HAL: variants seen among roughly 807,000 people sequenced by gnomAD.
HAL encodes histidase.
A neutral mutation model predicts 81.1 loss-of-function variants in HAL; 85 were observed. The observed-to-expected ratio is 1.05, with a 90% confidence interval of 0.88 to 1.25. The LOEUF (loss-of-function observed/expected upper bound fraction) is 1.25, where lower values mean the gene tolerates loss of function less well. Among genes scored for constraint, HAL ranks in the 50% most tolerant of loss-of-function variants. HAL has a pLI of 0.00. For missense variants in HAL, 798 were observed against 836.6 expected, an observed-to-expected ratio of 0.95 and a Z score of 0.57; for synonymous variants, 301 against 309.2, an observed-to-expected ratio of 0.97 and a Z score of 0.28.
chr12:95,994,905 A>T, intron 3 of HAL, 28 bp downstream of exon 3: 1 of 1,608,070 alleles, frequency 6.2e-7, no homozygotes, highest in Non-Finnish European at 8.5e-7. Context: ...CCCCCAGAGC[A>T]GACCAAAGAG....
chr12:95,990,173 A>T lies in HAL; in HGVS notation c.855+220T>A, dbSNP rs1487852545. 13 of 604,596 alleles carry T rather than the reference A, an allele frequency of 2.2e-5. No homozygotes were observed. The South Asian group carries it at 2.4e-4, about 11-fold the overall frequency. 37.5% of individuals were successfully genotyped at this position (604,596 alleles called of 1,614,324 possible). A position where few individuals can be genotyped will look rare whatever the true frequency, so the allele number is the denominator to read the frequency against. ...CAGTAGCAGTTATGCCTTTTCACCA[A>T]GGTGATGACCAAACCCAGAAGGCTG... On this transcript the variant is annotated intron_variant, in intron 10 of 20. Transcript: ENST00000261208.
intron 18 of HAL, 40 bp from the exon 19 acceptor site, chr12:95,976,746 T>A: frequency 1.6e-6 from 2 of 1,268,740 alleles, no homozygotes; most frequent in East Asian, 4.6e-5. Context: ...TATGAAAGTC[T>A]GACTTCATGC....
rs121434328 is a variant in HAL, at chr12:95,992,772, C to A, written c.623G>T (p.Arg208Leu). The change falls in exon 9 of 21, where the codon CGG becomes CTG. Residue 208 changes from arginine (R) to leucine (L), a missense_variant. Arg to Leu is a moderately radical substitution (Grantham distance 102). Transcript: ENST00000261208. ...ATTGATCCTTAAAGCCAAGAGCATC[C>A]GACACCTCTCAGGACTTAGTGGTTT... is the stretch of plus-strand genomic sequence containing the variant. The part of the protein sequence containing the change: ...VGKPLSPERC[R>L]MLLALRINVL... 1.9e-6 allele frequency: 3 copies of A among 1,612,738 alleles called. No homozygotes were observed. The highest frequency in any genetic ancestry group is 4.5e-5 in the East Asian group (2 of 44,860).
chr12:95,985,855 A>G, intron 14 of HAL, 53 bp downstream of exon 14: 2 of 1,248,294 alleles, frequency 1.6e-6, no homozygotes, highest in East Asian at 4.9e-5. Context: ...ACCTGGGGAA[A>G]GAAAAACTTT....
chr12:95,994,709 G>C, intron 4 of HAL, 89 bp downstream of exon 4: 2 of 1,257,510 alleles, frequency 1.6e-6, no homozygotes, highest in Non-Finnish European at 2.3e-6. Flanking sequence ...CTAATTGACA[G>C]TGTTTTCTCA....
rs749621956 is a variant in HAL at position 95,993,466 on chromosome 12, G to T, written c.574C>A (p.Arg192Ser). The change falls in exon 8 of 21, where the codon CGC (arginine) becomes AGC (serine). Residue 192 changes from arginine (R) to serine (S), a missense_variant. Arg to Ser is a moderately radical substitution (Grantham distance 110). Transcript: ENST00000261208. ...TTTGACTTACCTGAAGAATGTGAGCGTACTAAGTTGACCTGAAGCTCCCTG... is the reference window on the plus strand; with the variant it reads ...TTTGACTTACCTGAAGAATGTGAGCTTACTAAGTTGACCTGAAGCTCCCTG... ...KLQELQVNLV[R>S]SHSSGVGKPL... The T allele has an allele frequency of 4.4e-6, 7 of 1,603,698 alleles. No individual in the cohort carries two copies. In the East Asian group the frequency reaches 1.6e-4, roughly 36 times the overall value.
At position 95,974,054 on chromosome 12, in the gene HAL, C is replaced by T. The variant is rs2080685749; in HGVS notation, c.*178G>A. Reference sequence around the variant, plus strand: ...GTCTTGAACCACGACAACAGGAACACAGTGCTGAATTTAGCAACTATAATA... The same window carrying T: ...GTCTTGAACCACGACAACAGGAACATAGTGCTGAATTTAGCAACTATAATA... On this transcript the variant is annotated 3_prime_UTR_variant, in exon 21 of 21. Coordinates refer to ENST00000261208, the MANE Select transcript of HAL (RefSeq NM_002108.4). 2 of 691,186 alleles carry T rather than the reference C, an allele frequency of 2.9e-6. No individual in the cohort carries two copies. The highest frequency in any genetic ancestry group is 2.2e-5 in the Admixed American group (1 of 46,200). The allele number at this position is 691,186 out of a possible 1,614,324, so 42.8% of individuals were successfully genotyped here.
chr12:95,979,844 G>A (rs1592838741), intron 17 of HAL, among the ~76,000 whole-genome samples: 1 of 152,114 alleles, frequency 6.6e-6, no homozygotes, highest in African/African-American at 2.4e-5. Context: ...TGCAATATTG[G>A]GCAAGTCACT....
At chr12:95,989,092 T>C (rs902856728) in intron 10 of HAL, among the ~76,000 whole-genome samples, 6 of 152,118 alleles carry the variant, frequency 3.9e-5, no homozygotes, top group African/African-American at 1.2e-4. Flanking sequence ...TGGAAAACAA[T>C]CATTTGCTAG....
intron 14 of HAL, among the ~76,000 whole-genome samples, chr12:95,984,590 G>A (rs1168338433): frequency 3.9e-5 from 6 of 152,234 alleles, no homozygotes; most frequent in Non-Finnish European, 8.8e-5. Flanking sequence ...TCTCCCAGAA[G>A]TCAAGGAAGT....
At chr12:95,986,719 A>G (rs1026849476) in intron 12 of HAL, among the ~76,000 whole-genome samples, 1 of 151,970 alleles carries the variant, frequency 6.6e-6, no homozygotes, top group East Asian at 1.9e-4. Context: ...TTTCTTCCCC[A>G]ATTTTCTAGT....
At chr12:95,977,385 T>TAAAA (rs34975193) in intron 18 of HAL, among the ~76,000 whole-genome samples, 1 of 147,350 alleles carries the variant, frequency 6.8e-6, no homozygotes, top group Non-Finnish European at 1.5e-5. Flanking sequence ...AAAGTCTCAT[T>TAAAA]AAAAAAAAAA....
At chr12:95,991,566 T>C (rs1003323707) in intron 9 of HAL, among the ~76,000 whole-genome samples, 1 of 152,178 alleles carries the variant, frequency 6.6e-6, no homozygotes, top group African/African-American at 2.4e-5. Context: ...TCCCAAAAAG[T>C]TACCAAAAAA....
chr12:95,992,934 G>C (rs1949990254), intron 8 of HAL, 129 bp from the exon 9 acceptor site: 1 of 835,902 alleles, frequency 1.2e-6, no homozygotes, highest in South Asian at 1.4e-5. Flanking sequence ...TCTCGGCTCA[G>C]GTAGTTGGAC....
chr12:95,994,273 C>T lies in HAL; in HGVS notation c.337-109G>A, dbSNP rs574196892. ...TGACATTTCAGAGATCTGATCATTG[C>T]GTGAAACATGAATATGCTAAATAAA... On this transcript the variant is annotated intron_variant, in intron 4 of 20. Coordinates refer to ENST00000261208, the MANE Select transcript of HAL (RefSeq NM_002108.4). The T allele has an allele frequency of 1.3e-4, 109 of 811,876 alleles. No individual in the cohort carries two copies. The African/African-American group carries it at 1.6e-3, about 12-fold the overall frequency. The allele number at this position is 811,876 out of a possible 1,614,324, so 50.3% of individuals were successfully genotyped here.
At chr12:95,986,855 G>A (rs542974343) in intron 12 of HAL, among the ~76,000 whole-genome samples, 4 of 152,082 alleles carry the variant, frequency 2.6e-5, no homozygotes, top group South Asian at 2.1e-4. Flanking sequence ...CTCAACTTCC[G>A]GGCTGTGTGT....
intron 9 of HAL, 134 bp from the exon 10 acceptor site, chr12:95,990,666 G>A (rs1949958131): frequency 1.3e-6 from 1 of 755,310 alleles, no homozygotes. Context: ...TAGATACCTG[G>A]GGAAAGACAA....
At position 95,994,168 on chromosome 12, in the gene HAL, C is replaced by T. The variant is rs776657116; in HGVS notation, c.337-4G>A. On this transcript the variant is annotated splice_region_variant and splice_polypyrimidine_tract_variant and intron_variant, in intron 4 of 20. Coordinates refer to ENST00000261208, the MANE Select transcript of HAL (RefSeq NM_002108.4). Reference sequence around the variant, plus strand: ...GGTCTCCATCTAACTCGATGTACTACACAAAAGAAGGGGATCTCAGTGAGT... The same window carrying T: ...GGTCTCCATCTAACTCGATGTACTATACAAAAGAAGGGGATCTCAGTGAGT... 1 of 1,607,344 alleles carries T rather than the reference C, an allele frequency of 6.2e-7. No homozygotes were observed. Among genetic ancestry groups the T allele is most frequent in the Non-Finnish European group, 8.5e-7 (1 of 1,173,818 alleles).
Position 95,996,167 on chromosome 12 carries a change from G to A in HAL, c.-171C>T. 4.0e-6 allele frequency: 2 copies of A among 498,668 alleles called. No individual in the cohort carries two copies. Among genetic ancestry groups the A allele is most frequent in the Non-Finnish European group, 3.7e-6 (1 of 270,542 alleles). The allele number at this position is 498,668 out of a possible 1,614,324, so 30.9% of individuals were successfully genotyped here. On this transcript the variant is annotated 5_prime_UTR_variant, in exon 1 of 21. Transcript: ENST00000261208. ...TCCTGTCCACTTTCCATCCAGACCT[G>A]CTGCCAGAAAGGCCTGGGGTCTCCC...
Sources: gnomAD v4.1 joint callset for allele counts (sites outside exome capture counted in the v4.1 genomes callset) on GRCh38, gnomAD v4.1.1 for gene constraint, MANE v1.5 for transcripts, NCBI Gene and HGNC (gene_info 2026-07-23, HGNC 2026-07-21) for gene names.